The following RASAL3 variants were observed in gnomAD, a reference collection of about 807,000 sequenced individuals.
RASAL3 encodes RAS protein activator like 3, also known as RAS protein activator like-3.
A neutral mutation model predicts 105.5 loss-of-function variants in RASAL3; 74 were observed. That is an observed-to-expected ratio of 0.70 (90% confidence interval 0.58 to 0.85). The LOEUF is 0.85. Among genes scored for constraint, RASAL3 ranks in the 40% least tolerant of loss-of-function variants. The pLI, the probability that RASAL3 is intolerant of heterozygous loss-of-function variation, is 0.00. For missense variants in RASAL3, 1,352 were observed against 1,392.0 expected (o/e 0.97, Z 0.46); for synonymous variants, 579 against 591.6 (o/e 0.98, Z 0.31).
chr19:15,455,016 A>G (rs1156613239), intron 11 of RASAL3, 123 bp from the exon 12 acceptor site: 20 of 720,610 alleles, frequency 2.8e-5, no homozygotes, highest in Non-Finnish European at 4.2e-5. Flanking sequence ...AGAGCTATTC[A>G]TGAAGCCCAT....
intron 6 of RASAL3, among the ~76,000 whole-genome samples, chr19:15,459,700 C>G (rs1970449502): frequency 6.6e-6 from 1 of 152,074 alleles, no homozygotes; most frequent in African/African-American, 2.4e-5. Context: ...CCATGCCTAG[C>G]TAATTTTTGT....
Position 15,452,756 on chromosome 19 carries a change from G to A in RASAL3, c.2730C>T (p.Arg910=). 3 of 1,562,334 alleles carry A rather than the reference G, an allele frequency of 1.9e-6. No individual in the cohort carries two copies. The highest frequency in any genetic ancestry group is 2.6e-6 in the Non-Finnish European group (3 of 1,152,898). ...TTTGGGTGCTCAGCGACTCCACGAG[G>A]CGGGACAGCACTTTCTGCTCCTCAC... ...ALREEQKVLS[R]LVESLSTQIR... The change falls in exon 16 of 18, where the codon CGC becomes CGT. Residue 910 remains arginine (R), a synonymous_variant. Coordinates refer to ENST00000343625, the MANE Select transcript of RASAL3 (RefSeq NM_022904.3).
At chr19:15,461,761 C>T (rs1037647750) in intron 2 of RASAL3, among the ~76,000 whole-genome samples, 154 bp from the exon 3 acceptor site, 2 of 152,190 alleles carry the variant, frequency 1.3e-5, no homozygotes, top group African/African-American at 2.4e-5. Context: ...AAGCTTTCAT[C>T]GCTGTCTGGG....
rs1970592249 is a variant in RASAL3 at position 15,464,012 on chromosome 19, G to A, written c.328+19C>T. ...GGCTTCCCAGCCCGGCCCAAGCTCA[G>A]GGTGGGGGAACCATGTACCTGGGGC... On this transcript the variant is annotated intron_variant, in intron 2 of 17. Transcript: ENST00000343625. The A allele has an allele frequency of 3.3e-6, 5 of 1,527,492 alleles. No homozygotes were observed. Among genetic ancestry groups the A allele is most frequent in the Admixed American group, 4.3e-5 (2 of 46,944 alleles). The allele number at this position is 1,527,492 out of a possible 1,614,324, so 94.6% of individuals were successfully genotyped here.
chr19:15,462,692 C>T (rs966448533), intron 2 of RASAL3, among the ~76,000 whole-genome samples: 11 of 152,152 alleles, frequency 7.2e-5, no homozygotes, highest in Non-Finnish European at 1.0e-4. Context: ...GTGGCTCACG[C>T]CTGTAATCCC....
In RASAL3 at chr19:15,452,655, C is replaced by T. The variant is rs776673343; in HGVS notation, c.2828+3G>A. ...CGGAGCTAATGGAGAGGGCTGGGCT[C>T]ACCCAGCACGGAGCCTGGAGTCCAG... On this transcript the variant is annotated splice_donor_region_variant and intron_variant, in intron 16 of 17. Transcript: ENST00000343625. 6 of 1,541,482 alleles carry T rather than the reference C, an allele frequency of 3.9e-6. No individual in the cohort carries two copies. The East Asian group carries it at 1.5e-4, about 38-fold the overall frequency.
Position 15,456,689 on chromosome 19 carries a change from G to A in RASAL3, c.1432-43C>T. ...TCAGGTTGCACCAGATGCAGACAGA[G>A]TCCAAGGGAATTCGGATCCTTGGCT... On this transcript the variant is annotated intron_variant, in intron 9 of 17. Coordinates refer to ENST00000343625, the MANE Select transcript of RASAL3 (RefSeq NM_022904.3). This position sits in a 1 kb window ranked among gnomAD's most constrained non-coding sequence, Gnocchi z 4.4. 6.3e-7 allele frequency: 1 copy of A among 1,595,514 alleles called. No homozygotes were observed. The highest frequency in any genetic ancestry group is 1.7e-5 in the Admixed American group (1 of 58,086).
In RASAL3 at chr19:15,461,462, C is replaced by T. The variant is rs1016118210; in HGVS notation, c.465+9G>A. The T allele has an allele frequency of 6.5e-7, 1 of 1,547,418 alleles. No homozygotes were observed. Among genetic ancestry groups the T allele is most frequent in the Admixed American group, 2.0e-5 (1 of 49,626 alleles). On this transcript the variant is annotated intron_variant, in intron 3 of 17. Transcript: ENST00000343625. ...TCCCTCCTCCCCTTTCCCAGGTGCC[C>T]CCTCTCACCTCCTCCTCTCCTCCAA... is the stretch of plus-strand genomic sequence containing the variant.
Position 15,462,908 on chromosome 19 carries a change from G to A in RASAL3, c.328+1123C>T, listed in dbSNP as rs542573250. On this transcript the variant is annotated intron_variant, in intron 2 of 17. Transcript: ENST00000343625. Reference sequence around the variant, plus strand: ...GGAGCTTGCGGTGAGCCGAGATCGCGCCACTGCACTCCAGCCTGGGCAACA... The same window carrying A: ...GGAGCTTGCGGTGAGCCGAGATCGCACCACTGCACTCCAGCCTGGGCAACA... Among the ~76,000 whole-genome samples, 16 of 151,256 alleles carry A rather than the reference G, an allele frequency of 1.1e-4. No individual in the cohort carries two copies. The East Asian group carries it at 1.8e-3, about 17-fold the overall frequency.
At chr19:15,461,740 T>C (rs1357282004) in intron 2 of RASAL3, 133 bp from the exon 3 acceptor site, 2 of 1,320,242 alleles carry the variant, frequency 1.5e-6, no homozygotes, top group African/African-American at 1.5e-5. Context: ...TCAGACTGTA[T>C]GACCTTGGGC....
In RASAL3 at chr19:15,458,415, C is replaced by T. The variant is rs376008171; in HGVS notation, c.801G>A (p.Thr267=). 1.7e-5 allele frequency: 27 copies of T among 1,613,640 alleles called. No individual in the cohort carries two copies. The highest frequency in any genetic ancestry group is 2.2e-5 in the Non-Finnish European group (26 of 1,179,794). ...GEPHCFQVTW[T]GGSRCFSCRS... ...GACAAGAGAAGCAGCGGCTTCCACC[C>T]GTCCAGGTTACCTGTTGGGATGGAG... is the stretch of plus-strand genomic sequence containing the variant. The change falls in exon 8 of 18, where the codon ACG becomes ACA. Residue 267 remains threonine (T), a synonymous_variant. Transcript: ENST00000343625.
Position 15,456,341 on chromosome 19 carries a change from G to C in RASAL3, c.1577-93C>G. ...AACCTTGTCTTCAGGTTATTCCGGA[G>C]GCACCCAACATCTTGGGGAGCTCCC... On this transcript the variant is annotated intron_variant, in intron 10 of 17. Coordinates refer to ENST00000343625, the MANE Select transcript of RASAL3 (RefSeq NM_022904.3). The surrounding 1 kb of genome is among the most constrained non-coding windows in gnomAD (Gnocchi z 4.4). 1 of 1,556,398 alleles carries C rather than the reference G, an allele frequency of 6.4e-7. No homozygotes were observed. Among genetic ancestry groups the C allele is most frequent in the South Asian group, 1.2e-5 (1 of 84,108 alleles).
chr19:15,454,211 G>C lies in RASAL3; in HGVS notation c.2217C>G (p.Gly739=). 6.4e-7 allele frequency: 1 copy of C among 1,571,070 alleles called. No individual in the cohort carries two copies. The highest frequency in any genetic ancestry group is 8.6e-7 in the Non-Finnish European group (1 of 1,157,842). The part of the protein sequence containing the change: ...LPTILRAIEE[G]QPVLVSVPMR... The stretch of plus-strand genomic sequence containing the variant: ...TTGGCACTGACACAAGCACAGGCTG[G>C]CCCTCCTCAATGGCTCGCAGGATGG... The change falls in exon 14 of 18, where the codon GGC becomes GGG. Residue 739 remains glycine, a synonymous_variant. Transcript: ENST00000343625.
At position 15,464,034 on chromosome 19, in the gene RASAL3, G is replaced by A. The variant is rs769026236; in HGVS notation, c.325C>T (p.Pro109Ser). Residue 109 changes from proline (P) to serine (S), a missense_variant, in exon 2 of 18, where the codon CCA becomes TCA. This residue lies in a region of RASAL3 where 344 missense variants were observed against 339.6 expected (regional missense o/e 1.01). Transcript: ENST00000343625. Reference sequence around the variant, plus strand: ...TCAGGGTGGGGGAACCATGTACCTGGGGCCTCCTGCTCCGGCTCCGGGTCT... The same window carrying A: ...TCAGGGTGGGGGAACCATGTACCTGAGGCCTCCTGCTCCGGCTCCGGGTCT... Reference protein sequence around the residue: ...EPDPEPEQEAPELEPEPELEP... With the variant: ...EPDPEPEQEASELEPEPELEP... 1.3e-6 allele frequency: 2 copies of A among 1,553,926 alleles called. No individual in the cohort carries two copies. Among genetic ancestry groups the A allele is most frequent in the East Asian group, 4.5e-5 (2 of 44,218 alleles).
At chr19:15,452,186 C>G in intron 16 of RASAL3, 78 bp from the exon 17 acceptor site, 2 of 1,469,734 alleles carry the variant, frequency 1.4e-6, no homozygotes, top group Non-Finnish European at 1.9e-6. Context: ...GTGCCAGGGA[C>G]TCCGGGGGCG....
At chr19:15,461,369 G>T in intron 3 of RASAL3, 73 bp from the exon 4 acceptor site, 1 of 1,539,318 alleles carries the variant, frequency 6.5e-7, no homozygotes, top group Non-Finnish European at 8.8e-7. Context: ...CCGAGGGAGA[G>T]GCAGACACCT....
intron 6 of RASAL3, 143 bp from the exon 7 acceptor site, chr19:15,458,798 G>A (rs1364706275): frequency 6.1e-6 from 6 of 984,786 alleles, no homozygotes; most frequent in African/African-American, 7.1e-5. Context: ...CCCCGCCATG[G>A]CACCTCCTTG....
At position 15,453,409 on chromosome 19, in the gene RASAL3, TG is replaced by T; in HGVS notation, c.2367del (p.Ser790AlafsTer53). ...GCCCAACTCTCTGAGCGGCGAACGC[TG>T]CGCAGAGACTGGCTCTTGGAGATGA... ...TPLISKSQSL[R>X]SVRRSESWAR... On this transcript the variant is annotated frameshift_variant, in exon 15 of 18. Coordinates refer to ENST00000343625, the MANE Select transcript of RASAL3 (RefSeq NM_022904.3). LOFTEE classifies it high-confidence loss of function. This position sits in a 1 kb window ranked among gnomAD's most constrained non-coding sequence, Gnocchi z 4.2. The T allele has an allele frequency of 6.6e-7, 1 of 1,513,498 alleles. No homozygotes were observed. The highest frequency in any genetic ancestry group is 8.8e-7 in the Non-Finnish European group (1 of 1,142,186). The allele number at this position is 1,513,498 out of a possible 1,614,324, so 93.8% of individuals were successfully genotyped here.
In RASAL3 at chr19:15,461,694, G is replaced by T. The variant is rs1019525764; in HGVS notation, c.329-87C>A. ...TTCCATTCCCGAAGGCTCATGGTGGGTTCCCTCCTAGGTGCCCCCCACCCC... is the reference window on the plus strand; with the variant it reads ...TTCCATTCCCGAAGGCTCATGGTGGTTTCCCTCCTAGGTGCCCCCCACCCC... On this transcript the variant is annotated intron_variant, in intron 2 of 17. Coordinates refer to ENST00000343625, the MANE Select transcript of RASAL3 (RefSeq NM_022904.3). 1.8e-5 allele frequency: 26 copies of T among 1,421,004 alleles called. 1 individual carries two copies. In the African/African-American group the frequency reaches 3.8e-4, roughly 21 times the overall value. The allele number at this position is 1,421,004 out of a possible 1,614,324, so 88.0% of individuals were successfully genotyped here. A position where few individuals can be genotyped will look rare whatever the true frequency, so the allele number is the denominator to read the frequency against.
Sources: gnomAD v4.1 joint callset for allele counts (sites outside exome capture counted in the v4.1 genomes callset) on GRCh38, gnomAD v4.1.1 for gene constraint, gnomAD v4.1.1 regional missense constraint, Gnocchi (gnomAD v3.1) non-coding constraint, MANE v1.5 for transcripts, NCBI Gene and HGNC (gene_info 2026-07-23, HGNC 2026-07-21) for gene names.